Variants in THRB observed in about 807,000 individuals in gnomAD.
The protein encoded by THRB is nuclear receptor subfamily 1 group A member 2.
THRB carries 12 observed loss-of-function variants against 47.8 expected under a neutral mutation model. The ratio of observed to expected loss-of-function variants is 0.25; its 90% CI spans 0.16 to 0.41. The LOEUF (loss-of-function observed/expected upper bound fraction) is 0.41, where lower values mean the gene tolerates loss of function less well. Among genes scored for constraint, THRB ranks in the 10% least tolerant of loss-of-function variants. The probability of loss-of-function intolerance (pLI) is 1.00; values close to 1 mark genes in which losing one functional copy is unlikely to be tolerated. For synonymous variants in THRB, 218 were observed against 212.2 expected (o/e 1.03, Z -0.24); for missense variants, 348 against 589.2 (o/e 0.59, Z 4.24).
At chr3:24,304,204 T>C (rs1381728794) in intron 2 of THRB, among the ~76,000 whole-genome samples, 1 of 152,170 alleles carries the variant, frequency 6.6e-6, no homozygotes, top group African/African-American at 2.4e-5. Context: ...ATCTAATAGA[T>C]TTGTACACAG....
At chr3:24,390,160 G>A (rs949813263) in intron 1 of THRB, among the ~76,000 whole-genome samples, 2 of 152,070 alleles carry the variant, frequency 1.3e-5, no homozygotes, top group African/African-American at 4.8e-5. Flanking sequence ...GGGGAAAAAG[G>A]CAATGATTCA....
At chr3:24,461,060 C>T (rs2073652649) in intron 1 of THRB, among the ~76,000 whole-genome samples, 2 of 152,186 alleles carry the variant, frequency 1.3e-5, no homozygotes, top group Admixed American at 6.5e-5. Context: ...ACACCATTTT[C>T]TAGGCAACAG....
chr3:24,375,834 C>T (rs1440600480), intron 1 of THRB, among the ~76,000 whole-genome samples: 1 of 151,674 alleles, frequency 6.6e-6, no homozygotes, highest in African/African-American at 2.4e-5. Flanking sequence ...TCTTCTGATC[C>T]CAAGTCTTTT....
intron 10 of THRB, among the ~76,000 whole-genome samples, chr3:24,124,620 AT>A (rs1269491775): frequency 6.6e-6 from 1 of 152,240 alleles, no homozygotes; most frequent in Non-Finnish European, 1.5e-5. Context: ...ACTGAAGACC[AT>A]TTTAACTCCT....
intron 3 of THRB, among the ~76,000 whole-genome samples, chr3:24,261,905 C>T (rs754204531): frequency 4.6e-5 from 7 of 152,218 alleles, no homozygotes; most frequent in Non-Finnish European, 8.8e-5. Flanking sequence ...CCAGCCTTTA[C>T]AAGCTACAAG....
intron 1 of THRB, among the ~76,000 whole-genome samples, chr3:24,372,297 C>A (rs1008369474): frequency 2.0e-5 from 3 of 152,104 alleles, no homozygotes; most frequent in African/African-American, 7.2e-5. Flanking sequence ...GATGTTACCA[C>A]ATGCAGAGTT....
At chr3:24,228,163 T>G (rs140571797) in intron 4 of THRB, among the ~76,000 whole-genome samples, 37 of 152,272 alleles carry the variant, frequency 2.4e-4, no homozygotes, top group Admixed American at 2.4e-3. Context: ...TACTTGTTTT[T>G]CCTTTTACCT....
intron 2 of THRB, among the ~76,000 whole-genome samples, chr3:24,315,185 C>T (rs751933099): frequency 3.9e-5 from 6 of 152,204 alleles, no homozygotes. Context: ...TTGACCCACA[C>T]ATTAATTGCA....
At chr3:24,370,925 C>T (rs1181426862) in intron 1 of THRB, among the ~76,000 whole-genome samples, 1 of 152,210 alleles carries the variant, frequency 6.6e-6, no homozygotes, top group African/African-American at 2.4e-5. Context: ...AGGTTAATAG[C>T]CTAACATTAA....
intron 1 of THRB, among the ~76,000 whole-genome samples, chr3:24,417,095 A>AACACACAC (rs67541584): frequency 5.2e-5 from 7 of 135,676 alleles, no homozygotes; most frequent in East Asian, 2.6e-4. Flanking sequence ...ATTTTAAACC[A>AACACACAC]ACACACACAC....
intron 2 of THRB, among the ~76,000 whole-genome samples, chr3:24,315,448 G>A (rs2058050172): frequency 6.6e-6 from 1 of 152,222 alleles, no homozygotes; most frequent in Non-Finnish European, 1.5e-5. Flanking sequence ...TTAGATGCCT[G>A]TGGTGACTGA....
At chr3:24,415,691 C>A (rs1001697085) in intron 1 of THRB, among the ~76,000 whole-genome samples, 2 of 151,784 alleles carry the variant, frequency 1.3e-5, no homozygotes, top group African/African-American at 4.8e-5. Flanking sequence ...CTCAAAGAAC[C>A]ATAAAAATAA....
intron 1 of THRB, among the ~76,000 whole-genome samples, chr3:24,386,947 T>C (rs545212143): frequency 1.3e-5 from 2 of 152,174 alleles, no homozygotes; most frequent in Non-Finnish European, 2.9e-5. Context: ...TAGGCATTCA[T>C]ATTAGCTATT....
intron 5 of THRB, 182 bp downstream of exon 5, chr3:24,189,892 C>T (rs2043110111): frequency 4.8e-6 from 3 of 630,240 alleles, no homozygotes; most frequent in Non-Finnish European, 5.4e-6. Flanking sequence ...TCTTTGGATT[C>T]CACTTATTTA....
At chr3:24,481,229 G>GTTTGTTTTTTTTTTTTTTT in intron 1 of THRB, among the ~76,000 whole-genome samples, 1 of 55,368 alleles carries the variant, frequency 1.8e-5, no homozygotes, top group South Asian at 7.2e-4. Context: ...GTTTCTTTCT[G>GTTTGTTTTTTTTTTTTTTT]TTTTTTTTTT....
chr3:24,184,222 T>C (rs2042279174), intron 5 of THRB, among the ~76,000 whole-genome samples: 2 of 152,246 alleles, frequency 1.3e-5, no homozygotes, highest in African/African-American at 2.4e-5. Flanking sequence ...TATTGGAACA[T>C]TCCCCAGTGG....
At chr3:24,210,727 T>C (rs568454584) in intron 4 of THRB, among the ~76,000 whole-genome samples, 41 of 152,364 alleles carry the variant, frequency 2.7e-4, no homozygotes, top group Non-Finnish European at 5.1e-4. Context: ...CCAGTCAGCA[T>C]GACTGATTCC....
At chr3:24,279,627 C>T (rs943616554) in intron 3 of THRB, among the ~76,000 whole-genome samples, 13 of 151,098 alleles carry the variant, frequency 8.6e-5, no homozygotes, top group African/African-American at 3.2e-4. Flanking sequence ...TATCTCCTGA[C>T]CTCGTGATCC....
intron 1 of THRB, among the ~76,000 whole-genome samples, chr3:24,445,647 G>A (rs2071996534): frequency 1.3e-5 from 2 of 152,014 alleles, no homozygotes; most frequent in Non-Finnish European, 2.9e-5. Context: ...TTGAATGTGA[G>A]GAGAAATAGT....
Sources: gnomAD v4.1 joint callset for allele counts (sites outside exome capture counted in the v4.1 genomes callset) on GRCh38, gnomAD v4.1.1 for gene constraint, MANE v1.5 for transcripts, NCBI Gene and HGNC (gene_info 2026-07-23, HGNC 2026-07-21) for gene names.